Variants in ZDHHC3 observed in about 807,000 individuals in gnomAD.
The protein encoded by ZDHHC3 is zDHHC palmitoyltransferase 3, also known as palmitoyltransferase ZDHHC3.
A neutral mutation model predicts 30.6 loss-of-function variants in ZDHHC3; 9 were observed. The observed-to-expected ratio is 0.29, with a 90% CI of 0.18 to 0.51. The LOEUF is 0.51. Ranked by LOEUF, ZDHHC3 falls within the 20% of genes least tolerant of loss-of-function variation. ZDHHC3 has a pLI of 0.97. For synonymous variants in ZDHHC3, 136 were observed against 140.2 expected (o/e 0.97, Z 0.21); for missense variants, 246 against 384.2 (o/e 0.64, Z 3.01).
Position 44,924,580 on chromosome 3 carries a change from A to C in ZDHHC3, c.*2109T>G, listed in dbSNP as rs931693553. The stretch of plus-strand genomic sequence containing the variant: ...TTTAGGACTAAAAAAAAGTCAGTGC[A>C]TCTTCAGCACTATCTACTGCATTCC... On this transcript the variant is annotated 3_prime_UTR_variant, in exon 7 of 7. Transcript: ENST00000424952. 7.1e-6 allele frequency: 7 copies of C among 985,354 alleles called. No individual in the cohort carries two copies. The African/African-American group carries it at 1.2e-4, about 17-fold the overall frequency. 61.0% of individuals were successfully genotyped at this position (985,354 alleles called of 1,614,324 possible).
At chr3:44,942,841 A>G (rs997980634) in intron 3 of ZDHHC3, among the ~76,000 whole-genome samples, 6 of 152,212 alleles carry the variant, frequency 3.9e-5, no homozygotes, top group Admixed American at 3.9e-4. Flanking sequence ...TGAACTTCCA[A>G]CACCAACCAC....
intron 1 of ZDHHC3, chr3:44,975,530 C>CA (rs1705849931): frequency 6.6e-6 from 1 of 152,214 alleles, no homozygotes; most frequent in African/African-American, 2.4e-5. Flanking sequence ...CGTTCGGTCA[C>CA]AGAGAGTGAG....
intron 6 of ZDHHC3, among the ~76,000 whole-genome samples, chr3:44,927,750 A>T (rs912875421): frequency 6.6e-6 from 1 of 152,242 alleles, no homozygotes; most frequent in African/African-American, 2.4e-5. Flanking sequence ...GGGCTTGAGA[A>T]CGGGGCCCCT....
intron 1 of ZDHHC3, among the ~76,000 whole-genome samples, chr3:44,974,853 G>A (rs977422993): frequency 6.6e-6 from 1 of 152,098 alleles, no homozygotes; most frequent in Non-Finnish European, 1.5e-5. Flanking sequence ...ATCCCACTGT[G>A]CCCACTGATG....
intron 2 of ZDHHC3, among the ~76,000 whole-genome samples, chr3:44,956,456 C>A (rs1703965336): frequency 6.6e-6 from 1 of 152,220 alleles, no homozygotes; most frequent in African/African-American, 2.4e-5. Context: ...ACTCTCCAAT[C>A]TCTCTCCATT....
chr3:44,965,896 G>A (rs938716720), intron 1 of ZDHHC3, among the ~76,000 whole-genome samples: 11 of 152,198 alleles, frequency 7.2e-5, no homozygotes, highest in African/African-American at 2.7e-4. Context: ...ACTTTGTGAG[G>A]ATTACTTTTC....
At chr3:44,960,171 C>A (rs1356825268) in intron 1 of ZDHHC3, among the ~76,000 whole-genome samples, 1 of 152,160 alleles carries the variant, frequency 6.6e-6, no homozygotes, top group Non-Finnish European at 1.5e-5. Context: ...ACTTAAAAGG[C>A]AAGGAGAGGC....
chr3:44,925,269 T>A lies in ZDHHC3; in HGVS notation c.*1420A>T, dbSNP rs899654839. 3 of 985,756 alleles carry A rather than the reference T, an allele frequency of 3.0e-6. No individual in the cohort carries two copies. In the East Asian group the frequency reaches 3.4e-4, roughly 112 times the overall value. 61.1% of individuals were successfully genotyped at this position (985,756 alleles called of 1,614,324 possible). A position where few individuals can be genotyped will look rare whatever the true frequency, so the allele number is the denominator to read the frequency against. On this transcript the variant is annotated 3_prime_UTR_variant, in exon 7 of 7. Transcript: ENST00000424952. ...CCACTTACTTTTCTGAAAAATCACA[T>A]GGCTAGATTAACTTTCGCCCTACCC... is the stretch of plus-strand genomic sequence containing the variant.
chr3:44,935,357 C>T (rs1296340118), intron 3 of ZDHHC3, among the ~76,000 whole-genome samples: 1 of 152,170 alleles, frequency 6.6e-6, no homozygotes, highest in Non-Finnish European at 1.5e-5. Flanking sequence ...CTCACTGCAA[C>T]TTCCCGGGTT....
chr3:44,945,856 C>T (rs1428338110), intron 2 of ZDHHC3, among the ~76,000 whole-genome samples: 2 of 152,172 alleles, frequency 1.3e-5, no homozygotes, highest in African/African-American at 4.8e-5. Flanking sequence ...CACACCCGGC[C>T]AATTCTTTGA....
intron 1 of ZDHHC3, among the ~76,000 whole-genome samples, chr3:44,974,043 C>T (rs1705648020): frequency 6.6e-6 from 1 of 152,098 alleles, no homozygotes. Context: ...TAAAGACGTC[C>T]AATGCACTAT....
Position 44,942,300 on chromosome 3 carries a change from T to C in ZDHHC3, c.431+2868A>G, listed in dbSNP as rs1262693818. 3.9e-5 allele frequency among the ~76,000 whole-genome samples: 6 copies of C among 152,258 alleles called. No individual in the cohort carries two copies. In the East Asian group the frequency reaches 1.2e-3, roughly 29 times the overall value. On this transcript the variant is annotated intron_variant, in intron 3 of 6. Transcript: ENST00000424952. ...TGGAGATTCTGCTTATCCAAAATTGTGGGTCCCCAGATGGCCTGGGCCACC... is the reference window on the plus strand; with the variant it reads ...TGGAGATTCTGCTTATCCAAAATTGCGGGTCCCCAGATGGCCTGGGCCACC...
Position 44,932,789 on chromosome 3 carries a change from ACTT to A in ZDHHC3, c.610+326_610+328del, listed in dbSNP as rs1701608596. On this transcript the variant is annotated intron_variant, in intron 5 of 6. Coordinates refer to ENST00000424952, the MANE Select transcript of ZDHHC3 (RefSeq NM_001135179.2). ...GCCTCATGGAAAGACAGAAAACAAAACTTCTCTCCCAGCATGGCTCCCACGCAT... is the reference window on the plus strand; with the variant it reads ...GCCTCATGGAAAGACAGAAAACAAAACTCTCCCAGCATGGCTCCCACGCAT... 10 of 883,378 alleles carry A rather than the reference ACTT, an allele frequency of 1.1e-5. No individual in the cohort carries two copies. The Admixed American group carries it at 1.9e-4, about 17-fold the overall frequency. 54.7% of individuals were successfully genotyped at this position (883,378 alleles called of 1,614,324 possible).
intron 3 of ZDHHC3, among the ~76,000 whole-genome samples, chr3:44,936,059 CAG>C (rs1433442889): frequency 6.6e-6 from 1 of 152,174 alleles, no homozygotes; most frequent in Non-Finnish European, 1.5e-5. Flanking sequence ...AAACTATCAA[CAG>C]AGTAAACAGA....
In ZDHHC3 at chr3:44,922,320, G is replaced by T; in HGVS notation, c.*4369C>A. On this transcript the variant is annotated 3_prime_UTR_variant, in exon 7 of 7. Coordinates refer to ENST00000424952, the MANE Select transcript of ZDHHC3 (RefSeq NM_001135179.2). ...CACCGGCCGCCGCTCCCATCTGGAG[G>T]TCCCTTGGTTCTACTCTTTTCTCTT... 2 of 985,408 alleles carry T rather than the reference G, an allele frequency of 2.0e-6. No homozygotes were observed. The highest frequency in any genetic ancestry group is 2.4e-6 in the Non-Finnish European group (2 of 829,934). The allele number at this position is 985,408 out of a possible 1,614,324, so 61.0% of individuals were successfully genotyped here.
chr3:44,932,955 C>T (rs763427201), intron 5 of ZDHHC3, 163 bp downstream of exon 5: 1 of 1,614,134 alleles, frequency 6.2e-7, no homozygotes, highest in Non-Finnish European at 8.5e-7. Flanking sequence ...AGAGAGATTC[C>T]AGTCTCTGCC....
chr3:44,923,252 AT>A lies in ZDHHC3; in HGVS notation c.*3436del, dbSNP rs1184083333. 1 of 877,878 alleles carries A rather than the reference AT, an allele frequency of 1.1e-6. No homozygotes were observed. Among genetic ancestry groups the A allele is most frequent in the Admixed American group, 6.2e-5 (1 of 16,090 alleles). The allele number at this position is 877,878 out of a possible 1,614,324, so 54.4% of individuals were successfully genotyped here. On this transcript the variant is annotated 3_prime_UTR_variant, in exon 7 of 7. Transcript: ENST00000424952. ...CACCACGCCCAGCTAATTTTTTTATATTTTTAGTAGAGACAGGGTTTCACCG... is the reference window on the plus strand; with the variant it reads ...CACCACGCCCAGCTAATTTTTTTATATTTTAGTAGAGACAGGGTTTCACCG...
intron 1 of ZDHHC3, among the ~76,000 whole-genome samples, chr3:44,963,500 CA>C (rs11446885): frequency 3.6e-4 from 53 of 146,246 alleles, no homozygotes; most frequent in African/African-American, 1.1e-3. Flanking sequence ...AGAAATATGG[CA>C]AAAAAAAAAA....
At chr3:44,965,035 T>C (rs1175902268) in intron 1 of ZDHHC3, among the ~76,000 whole-genome samples, 1 of 152,022 alleles carries the variant, frequency 6.6e-6, no homozygotes, top group African/African-American at 2.4e-5. Context: ...GTTCTGGAGC[T>C]CCCTAGTGCC....
Sources: gnomAD v4.1 joint callset for allele counts (sites outside exome capture counted in the v4.1 genomes callset) on GRCh38, gnomAD v4.1.1 for gene constraint, MANE v1.5 for transcripts, NCBI Gene and HGNC (gene_info 2026-07-23, HGNC 2026-07-21) for gene names.